The following SGCZ variants were observed in gnomAD, a reference collection of about 807,000 sequenced individuals.
The protein encoded by SGCZ is zeta-sarcoglycan.
A neutral mutation model predicts 41.3 loss-of-function variants in SGCZ; 40 were observed. The ratio of observed to expected loss-of-function variants is 0.97; its 90% CI spans 0.75 to 1.26. SGCZ has a LOEUF of 1.26. Among genes scored for constraint, SGCZ ranks in the 50% most tolerant of loss-of-function variants. The probability of loss-of-function intolerance (pLI) is 0.00; values close to 1 mark genes in which losing one functional copy is unlikely to be tolerated. For missense variants in SGCZ, 552 were observed against 369.8 expected (o/e 1.49, Z -4.04); for synonymous variants, 206 against 137.5 (o/e 1.50, Z -3.49).
intron 1 of SGCZ, among the ~76,000 whole-genome samples, chr8:14,566,797 C>G (rs1000334519): frequency 2.0e-5 from 3 of 152,206 alleles, no homozygotes; most frequent in African/African-American, 4.8e-5. Context: ...GGAGCTGGCT[C>G]CCTCAGCTTG....
At position 15,072,776 on chromosome 8, in the gene SGCZ, G is replaced by C. The variant is rs371560337; in HGVS notation, c.39+164809C>G. ...CTTGATAATTTTGCTAAAATAATTG[G>C]TGTAATGGAGATGATTCAAATCTCA... On this transcript the variant is annotated intron_variant, in intron 1 of 7. Transcript: ENST00000382080. 5.3e-5 allele frequency among the ~76,000 whole-genome samples: 8 copies of C among 152,246 alleles called. No individual in the cohort carries two copies. The East Asian group carries it at 1.5e-3, about 29-fold the overall frequency.
At chr8:14,415,167 T>C (rs1033138786) in intron 2 of SGCZ, among the ~76,000 whole-genome samples, 15 of 151,882 alleles carry the variant, frequency 9.9e-5, no homozygotes, top group South Asian at 4.1e-4. Flanking sequence ...TTGATATTAA[T>C]GAAAAACAGA....
chr8:14,335,137 T>A (rs2117061284), intron 2 of SGCZ, among the ~76,000 whole-genome samples: 1 of 152,280 alleles, frequency 6.6e-6, no homozygotes. Context: ...TGCTTTATGG[T>A]TCACGAAGCT....
intron 1 of SGCZ, among the ~76,000 whole-genome samples, chr8:15,084,106 C>T (rs929668697): frequency 5.3e-5 from 8 of 152,180 alleles, no homozygotes; most frequent in Non-Finnish European, 8.8e-5. Context: ...TAAAATTTTA[C>T]GTGGTAAATC....
chr8:14,267,853 A>G (rs983783912), intron 3 of SGCZ, among the ~76,000 whole-genome samples: 1 of 151,964 alleles, frequency 6.6e-6, no homozygotes, highest in Non-Finnish European at 1.5e-5. Context: ...TTCTTTGCTC[A>G]AGGTATATAT....
At chr8:14,148,211 A>G (rs372007167) in intron 5 of SGCZ, among the ~76,000 whole-genome samples, 47 of 152,246 alleles carry the variant, frequency 3.1e-4, no homozygotes, top group African/African-American at 1.1e-3. Context: ...TAGAGCAGAG[A>G]TAAATGAAAT....
At chr8:15,220,996 C>A (rs1200516445) in intron 1 of SGCZ, among the ~76,000 whole-genome samples, 1 of 152,042 alleles carries the variant, frequency 6.6e-6, no homozygotes, top group South Asian at 2.1e-4. Context: ...GGGAACATCA[C>A]ACACAGGGGC....
chr8:14,174,578 C>A (rs772566384), intron 4 of SGCZ, among the ~76,000 whole-genome samples: 1 of 152,026 alleles, frequency 6.6e-6, no homozygotes, highest in Non-Finnish European at 1.5e-5. Context: ...CCCACCTAAG[C>A]GCATCTTAGT....
At chr8:14,769,774 G>A (rs944995687) in intron 1 of SGCZ, among the ~76,000 whole-genome samples, 5 of 97,596 alleles carry the variant, frequency 5.1e-5, no homozygotes, top group African/African-American at 2.4e-4. Flanking sequence ...CATCCTGGGC[G>A]ACAAGAGCAA....
At chr8:14,761,829 G>A (rs371403421) in intron 1 of SGCZ, among the ~76,000 whole-genome samples, 2 of 152,054 alleles carry the variant, frequency 1.3e-5, no homozygotes, top group African/African-American at 2.4e-5. Flanking sequence ...CATCACATCC[G>A]GCCCTGAATT....
At chr8:14,773,664 C>T (rs951187757) in intron 1 of SGCZ, among the ~76,000 whole-genome samples, 1 of 152,192 alleles carries the variant, frequency 6.6e-6, no homozygotes, top group African/African-American at 2.4e-5. Flanking sequence ...CACTGCAATG[C>T]ATTCTTTTGC....
chr8:14,392,674 T>C (rs1276685405), intron 2 of SGCZ, among the ~76,000 whole-genome samples: 2 of 152,164 alleles, frequency 1.3e-5, no homozygotes, highest in African/African-American at 4.8e-5. Flanking sequence ...AATAAATGAA[T>C]ACTATATCCA....
In SGCZ at chr8:14,500,499, T is replaced by C. The variant is rs559807022; in HGVS notation, c.234+54233A>G. 1.1e-4 allele frequency among the ~76,000 whole-genome samples: 17 copies of C among 152,028 alleles called. 1 individual carries two copies. In the South Asian group the frequency reaches 3.3e-3, roughly 30 times the overall value. On this transcript the variant is annotated intron_variant, in intron 2 of 7. Transcript: ENST00000382080. ...TAATTAGCTAGGAAGAAAAACATTT[T>C]AAGTAGACAAAATGGTTCTGCAAAT... is the stretch of plus-strand genomic sequence containing the variant.
chr8:14,613,635 A>G (rs966602748), intron 1 of SGCZ, among the ~76,000 whole-genome samples: 3 of 152,236 alleles, frequency 2.0e-5, no homozygotes, highest in Admixed American at 6.5e-5. Flanking sequence ...GCAGGGGTAT[A>G]CGCCATTAAA....
chr8:15,170,717 A>G (rs1020510524), intron 1 of SGCZ, among the ~76,000 whole-genome samples: 1 of 152,190 alleles, frequency 6.6e-6, no homozygotes, highest in African/African-American at 2.4e-5. Flanking sequence ...TATTTGAACT[A>G]TGCAGTGTTT....
intron 1 of SGCZ, among the ~76,000 whole-genome samples, chr8:14,586,667 A>G (rs999993260): frequency 2.0e-5 from 3 of 152,222 alleles, no homozygotes; most frequent in Non-Finnish European, 4.4e-5. Context: ...GGACCTCAGG[A>G]TGTCTCATTA....
chr8:14,936,311 T>C (rs1250390175), intron 1 of SGCZ, among the ~76,000 whole-genome samples: 1 of 151,978 alleles, frequency 6.6e-6, no homozygotes, highest in Non-Finnish European at 1.5e-5. Flanking sequence ...GCATTTAATA[T>C]GTCTAACGTA....
intron 4 of SGCZ, among the ~76,000 whole-genome samples, chr8:14,196,521 G>A (rs1033883297): frequency 1.2e-4 from 18 of 152,066 alleles, no homozygotes; most frequent in Non-Finnish European, 1.9e-4. Context: ...ATGAAACAGC[G>A]ATTTCACTGC....
chr8:15,079,716 T>C (rs2131042355), intron 1 of SGCZ, among the ~76,000 whole-genome samples: 1 of 152,302 alleles, frequency 6.6e-6, no homozygotes, highest in Non-Finnish European at 1.5e-5. Flanking sequence ...ATTCCAACAA[T>C]GTCCATCATA....
Sources: gnomAD v4.1 joint callset for allele counts (sites outside exome capture counted in the v4.1 genomes callset) on GRCh38, gnomAD v4.1.1 for gene constraint, MANE v1.5 for transcripts, NCBI Gene and HGNC (gene_info 2026-07-23, HGNC 2026-07-21) for gene names.